Variants in NTRK2 observed in about 807,000 individuals in gnomAD.
NTRK2 encodes neurotrophic receptor tyrosine kinase 2, also known as BDNF/NT-3 growth factors receptor.
NTRK2 carries 13 observed loss-of-function variants against 94.5 expected under a neutral mutation model. The ratio of observed to expected loss-of-function variants is 0.14; its 90% CI spans 0.09 to 0.22. The LOEUF (loss-of-function observed/expected upper bound fraction) is 0.22, where lower values mean the gene tolerates loss of function less well. NTRK2 is among the 10% of genes least tolerant of loss of function. The probability of loss-of-function intolerance (pLI) is 1.00; values close to 1 mark genes in which losing one functional copy is unlikely to be tolerated. For missense variants in NTRK2, 639 were observed against 1,071.2 expected (o/e 0.60, Z 5.63); for synonymous variants, 372 against 407.4 (o/e 0.91, Z 1.05).
chr9:84,744,692 T>A (rs55775484), intron 10 of NTRK2, among the ~76,000 whole-genome samples: 3,126 of 152,256 alleles, frequency 0.021, 114 homozygotes, highest in African/African-American at 0.072. Context: ...AAGGGGTATA[T>A]GCTTATGTGC....
At chr9:84,966,859 A>C (rs1450524029) in intron 17 of NTRK2, among the ~76,000 whole-genome samples, 1 of 152,226 alleles carries the variant, frequency 6.6e-6, no homozygotes, top group Non-Finnish European at 1.5e-5. Context: ...CAAGCTTCTA[A>C]AGGAGAATAG....
intron 14 of NTRK2, among the ~76,000 whole-genome samples, chr9:84,916,357 T>G: frequency 6.6e-6 from 1 of 152,052 alleles, no homozygotes; most frequent in East Asian, 1.9e-4. Flanking sequence ...GAGGAAAATG[T>G]TAGTCAACAA....
At position 84,991,348 on chromosome 9, in the gene NTRK2, C is replaced by A. The variant is rs1206249628; in HGVS notation, c.2173-28858C>A. ...CTTCCCTCCGTATTTCTGTGCTGGG[C>A]ACCCCGTGGATGTGGCGATATGAAC... On this transcript the variant is annotated intron_variant, in intron 17 of 18. Transcript: ENST00000277120. Among the ~76,000 whole-genome samples, 5 of 152,290 alleles carry A rather than the reference C, an allele frequency of 3.3e-5. No homozygotes were observed. The East Asian group carries it at 7.7e-4, about 24-fold the overall frequency.
intron 17 of NTRK2, among the ~76,000 whole-genome samples, chr9:84,961,656 CTAGATGCAATGG>C (rs776334188): frequency 1.2e-4 from 19 of 152,192 alleles, no homozygotes; most frequent in Non-Finnish European, 2.1e-4. Context: ...CTACTATGTG[CTAGATGCAATGG>C]TAGATGCAAA....
At position 85,023,054 on chromosome 9, in the gene NTRK2, A is replaced by G. The variant is rs1832860594; in HGVS notation, c.*1617A>G. On this transcript the variant is annotated 3_prime_UTR_variant, in exon 19 of 19. Transcript: ENST00000277120. Reference sequence around the variant, plus strand: ...CTCCATTCAAAAAGTCAAAATACAAAATTTGGCACAGCATGCCAACGGGAG... The same window carrying G: ...CTCCATTCAAAAAGTCAAAATACAAGATTTGGCACAGCATGCCAACGGGAG... The G allele has an allele frequency of 8.6e-6, 2 of 233,058 alleles. No individual in the cohort carries two copies. The highest frequency in any genetic ancestry group is 1.2e-4 in the East Asian group (2 of 16,544). The allele number at this position is 233,058 out of a possible 1,614,324, so 14.4% of individuals were successfully genotyped here. A position where few individuals can be genotyped will look rare whatever the true frequency, so the allele number is the denominator to read the frequency against.
chr9:84,920,448 G>A (rs2077526775), intron 14 of NTRK2, among the ~76,000 whole-genome samples: 1 of 152,066 alleles, frequency 6.6e-6, no homozygotes, highest in African/African-American at 2.4e-5. Context: ...ACTGGATGTG[G>A]CAGTGCACAC....
chr9:84,707,891 G>A lies in NTRK2; in HGVS notation c.407G>A (p.Arg136His), dbSNP rs144037140. 1.4e-5 allele frequency: 23 copies of A among 1,612,408 alleles called. No individual in the cohort carries two copies. Among genetic ancestry groups the A allele is most frequent in the East Asian group, 1.1e-4 (5 of 44,754 alleles). Residue 136 changes from arginine to histidine, a missense_variant, in exon 5 of 19, where the codon CGT becomes CAT. Transcript: ENST00000277120. ...KLTSLSRKHF[R>H]HLDLSELILV... ...ACGAGTTTGTCTAGGAAACATTTCC[G>A]TCACCTTGACTTGTCTGAACTGTAA...
At chr9:84,678,953 G>C (rs2059227510) in intron 2 of NTRK2, among the ~76,000 whole-genome samples, 2 of 152,172 alleles carry the variant, frequency 1.3e-5, no homozygotes, top group African/African-American at 4.8e-5. Context: ...CAGGGTAGTG[G>C]TGTTGAGAGG....
intron 14 of NTRK2, among the ~76,000 whole-genome samples, chr9:84,915,905 G>T (rs1357571793): frequency 6.6e-6 from 1 of 152,090 alleles, no homozygotes; most frequent in East Asian, 1.9e-4. Flanking sequence ...CTAGAGAAGT[G>T]TCCTGCTCAA....
chr9:84,841,769 C>T (rs2074200095), intron 12 of NTRK2, among the ~76,000 whole-genome samples: 1 of 152,198 alleles, frequency 6.6e-6, no homozygotes, highest in Admixed American at 6.5e-5. Flanking sequence ...GTTGGTAATT[C>T]TCTGTCTGCC....
chr9:84,949,006 C>T (rs1336917165), intron 16 of NTRK2, among the ~76,000 whole-genome samples: 1 of 152,096 alleles, frequency 6.6e-6, no homozygotes, highest in Non-Finnish European at 1.5e-5. Flanking sequence ...ACCCAGGTGT[C>T]ACAATGGAAA....
intron 17 of NTRK2, among the ~76,000 whole-genome samples, chr9:85,004,120 GAGGA>G (rs796427907): frequency 9.3e-5 from 14 of 150,040 alleles, no homozygotes; most frequent in South Asian, 4.3e-4. Context: ...GGAAGGGAGT[GAGGA>G]AGGAAGGAAG....
intron 9 of NTRK2, among the ~76,000 whole-genome samples, chr9:84,729,576 A>C (rs1458825698): frequency 6.6e-6 from 1 of 152,214 alleles, no homozygotes; most frequent in African/African-American, 2.4e-5. Flanking sequence ...GAAAAGTTGC[A>C]AAGATAGTAT....
chr9:85,019,164 G>A lies in NTRK2; in HGVS notation c.2173-1042G>A, dbSNP rs114019829. Among the ~76,000 whole-genome samples the A allele has an allele frequency of 4.7e-3, 719 of 152,194 alleles. 10 individuals carry two copies. The highest frequency in any genetic ancestry group is 0.017 in the African/African-American group (695 of 41,498). ...TTTCTTCCTTTAATAAATACTAACTGGATATTGAGATTAGAATTGGGCAGA... is the reference window on the plus strand; with the variant it reads ...TTTCTTCCTTTAATAAATACTAACTAGATATTGAGATTAGAATTGGGCAGA... On this transcript the variant is annotated intron_variant, in intron 17 of 18. Transcript: ENST00000277120.
chr9:85,010,946 T>C (rs571796499), intron 17 of NTRK2, among the ~76,000 whole-genome samples: 2 of 152,056 alleles, frequency 1.3e-5, no homozygotes, highest in East Asian at 3.9e-4. Flanking sequence ...ATGTGGGAGG[T>C]AACCTGAAGC....
chr9:84,848,048 G>A (rs977658023), intron 12 of NTRK2, among the ~76,000 whole-genome samples: 1 of 150,706 alleles, frequency 6.6e-6, no homozygotes, highest in Non-Finnish European at 1.5e-5. Context: ...TCCTCACATG[G>A]CCTTTTCTCT....
At chr9:84,950,525 T>G (rs1209554456) in intron 16 of NTRK2, among the ~76,000 whole-genome samples, 1 of 152,200 alleles carries the variant, frequency 6.6e-6, no homozygotes, top group Non-Finnish European at 1.5e-5. Context: ...CCCAGTTCGC[T>G]CAATCACCTT....
At chr9:84,911,522 A>G (rs1254064720) in intron 14 of NTRK2, among the ~76,000 whole-genome samples, 1 of 152,100 alleles carries the variant, frequency 6.6e-6, no homozygotes, top group Non-Finnish European at 1.5e-5. Context: ...GAATTGGCCC[A>G]TTTTGTCCAT....
intron 6 of NTRK2, among the ~76,000 whole-genome samples, chr9:84,712,275 G>A (rs55881710): frequency 0.026 from 3,927 of 152,286 alleles, 74 homozygotes; most frequent in Admixed American, 0.047. Context: ...GCAGCATTCC[G>A]GGAATGCACC....
Sources: allele counts gnomAD v4.1 joint callset (sites outside exome capture counted in the v4.1 genomes callset), GRCh38; gene constraint gnomAD v4.1.1; transcripts MANE v1.5; gene names NCBI Gene and HGNC (gene_info 2026-07-23, HGNC 2026-07-21).